Variants in PTPRT observed in about 807,000 individuals in gnomAD.
PTPRT encodes the protein receptor-type tyrosine-protein phosphatase T.
A neutral mutation model predicts 176.8 loss-of-function variants in PTPRT; 56 were observed. The observed-to-expected ratio is 0.32, with a 90% CI of 0.26 to 0.40. The LOEUF is 0.40. PTPRT is among the 10% of genes least tolerant of loss of function. The pLI, the probability that PTPRT is intolerant of heterozygous loss-of-function variation, is 1.00. For synonymous variants in PTPRT, 783 were observed against 739.0 expected, an observed-to-expected ratio of 1.06 and a Z score of -0.96; for missense variants, 1,540 against 1,908.2, an observed-to-expected ratio of 0.81 and a Z score of 3.60.
At chr20:42,670,018 C>T (rs949223226) in intron 7 of PTPRT, among the ~76,000 whole-genome samples, 4 of 152,124 alleles carry the variant, frequency 2.6e-5, no homozygotes, top group African/African-American at 7.2e-5. Flanking sequence ...AGCTACACGT[C>T]GAGGACTCCA....
At chr20:43,178,384 T>C (rs79237508) in intron 1 of PTPRT, among the ~76,000 whole-genome samples, 6,484 of 152,294 alleles carry the variant, frequency 0.043, 193 homozygotes, top group Non-Finnish European at 0.066. Context: ...GATTTGAGAC[T>C]GTTTAGAATC....
chr20:42,212,823 T>G (rs2055677013), intron 15 of PTPRT, among the ~76,000 whole-genome samples: 1 of 152,212 alleles, frequency 6.6e-6, no homozygotes, highest in African/African-American at 2.4e-5. Flanking sequence ...AATAACCTCA[T>G]TATTTATTAA....
intron 16 of PTPRT, among the ~76,000 whole-genome samples, chr20:42,193,904 A>T (rs1991096833): frequency 6.6e-6 from 1 of 152,180 alleles, no homozygotes; most frequent in Admixed American, 6.5e-5. Context: ...TATTGGATAT[A>T]TCCCCAAATT....
At chr20:42,591,953 C>A (rs1302530042) in intron 7 of PTPRT, among the ~76,000 whole-genome samples, 4 of 148,558 alleles carry the variant, frequency 2.7e-5, no homozygotes, top group African/African-American at 1.0e-4. Flanking sequence ...TCATTATGGT[C>A]ATGGTCAGTT....
At chr20:42,420,858 C>T (rs947419619) in intron 9 of PTPRT, among the ~76,000 whole-genome samples, 5 of 152,154 alleles carry the variant, frequency 3.3e-5, no homozygotes, top group Non-Finnish European at 5.9e-5. Flanking sequence ...GGAATTGCTG[C>T]GGATAAGTGA....
At chr20:43,149,132 T>C (rs1454249608) in intron 1 of PTPRT, among the ~76,000 whole-genome samples, 1 of 152,254 alleles carries the variant, frequency 6.6e-6, no homozygotes, top group African/African-American at 2.4e-5. Flanking sequence ...TGTGCAATTA[T>C]AGAATAGTAT....
chr20:42,144,312 G>C (rs1249322914), intron 17 of PTPRT, among the ~76,000 whole-genome samples: 1 of 152,166 alleles, frequency 6.6e-6, no homozygotes, highest in East Asian at 1.9e-4. Context: ...TTAGTAGAGT[G>C]CCTAGCATTG....
rs774454761 is a variant in PTPRT, at chr20:42,640,978, A to G, written c.1153+36888T>C. ...TGGCTTATTTATTTAGCATTATATC[A>G]TAAGCATGTTTAAGGTTGCCCAATA... On this transcript the variant is annotated intron_variant, in intron 7 of 30. Transcript: ENST00000373187. Among the ~76,000 whole-genome samples the G allele has an allele frequency of 5.9e-5, 9 of 152,162 alleles. 1 individual carries two copies. Among genetic ancestry groups the G allele is most frequent in the Non-Finnish European group, 1.2e-4 (8 of 68,030 alleles).
chr20:42,821,997 C>T (rs746999761), intron 2 of PTPRT, among the ~76,000 whole-genome samples: 1 of 152,144 alleles, frequency 6.6e-6, no homozygotes, highest in Non-Finnish European at 1.5e-5. Flanking sequence ...AAGTAATTTA[C>T]AGATTCAACA....
chr20:43,095,550 C>T (rs951134308), intron 1 of PTPRT, among the ~76,000 whole-genome samples: 2 of 151,420 alleles, frequency 1.3e-5, no homozygotes, highest in South Asian at 2.1e-4. Flanking sequence ...CCCAGCCCCC[C>T]GGCTATCTCT....
At chr20:42,978,642 G>T (rs1188320265) in intron 1 of PTPRT, among the ~76,000 whole-genome samples, 2 of 152,094 alleles carry the variant, frequency 1.3e-5, no homozygotes, top group Non-Finnish European at 2.9e-5. Context: ...TAGGAGGTCG[G>T]CACAAGATAC....
intron 6 of PTPRT, among the ~76,000 whole-genome samples, chr20:42,751,543 C>T (rs1301019980): frequency 6.6e-6 from 1 of 152,108 alleles, no homozygotes; most frequent in East Asian, 1.9e-4. Flanking sequence ...AGAAGAGATT[C>T]ATATTTGAGT....
At chr20:42,083,205 C>T (rs1238416528) in intron 29 of PTPRT, among the ~76,000 whole-genome samples, 4 of 147,978 alleles carry the variant, frequency 2.7e-5, no homozygotes, top group African/African-American at 7.4e-5. Flanking sequence ...ACGGTTCTAT[C>T]ATTTCTGAAG....
intron 1 of PTPRT, among the ~76,000 whole-genome samples, chr20:43,070,070 A>G (rs1276834752): frequency 1.3e-5 from 2 of 152,150 alleles, no homozygotes; most frequent in Admixed American, 6.5e-5. Flanking sequence ...CTACAGATGT[A>G]TTTCAATGGC....
chr20:42,189,146 GAC>G (rs1437432203), intron 16 of PTPRT, among the ~76,000 whole-genome samples: 1 of 152,004 alleles, frequency 6.6e-6, no homozygotes, highest in Non-Finnish European at 1.5e-5. Flanking sequence ...ATACATTCTT[GAC>G]ACAGAGTATC....
chr20:42,561,354 G>T (rs1163373415), intron 7 of PTPRT, among the ~76,000 whole-genome samples: 3 of 152,232 alleles, frequency 2.0e-5, no homozygotes, highest in Non-Finnish European at 2.9e-5. Flanking sequence ...CTAGAAGGCA[G>T]CAGGGAGGTG....
chr20:42,539,471 A>C (rs2072539135), intron 7 of PTPRT, among the ~76,000 whole-genome samples: 2 of 151,464 alleles, frequency 1.3e-5, no homozygotes, highest in Non-Finnish European at 2.9e-5. Flanking sequence ...TCAATTTATC[A>C]ATGTCCTTAA....
intron 2 of PTPRT, among the ~76,000 whole-genome samples, chr20:42,846,178 C>T (rs566551116): frequency 9.2e-5 from 14 of 152,282 alleles, no homozygotes; most frequent in Admixed American, 7.2e-4. Context: ...CTTTATAACG[C>T]AAAAATAATA....
intron 12 of PTPRT, among the ~76,000 whole-genome samples, chr20:42,293,476 A>G (rs2057346347): frequency 6.6e-6 from 1 of 152,032 alleles, no homozygotes; most frequent in Non-Finnish European, 1.5e-5. Flanking sequence ...TTCTTTGCCT[A>G]TGTATTTATC....
Sources: allele counts gnomAD v4.1 joint callset (sites outside exome capture counted in the v4.1 genomes callset), GRCh38; gene constraint gnomAD v4.1.1; transcripts MANE v1.5; gene names NCBI Gene and HGNC (gene_info 2026-07-23, HGNC 2026-07-21).